The following METTL4 variants were observed in gnomAD, a reference collection of about 807,000 sequenced individuals.
The protein encoded by METTL4 is N(6)-adenine-specific methyltransferase METTL4.
In METTL4, 40 loss-of-function variants were observed where a neutral mutation model predicts 54.0. The observed-to-expected ratio is 0.74, with a 90% CI of 0.58 to 0.96. METTL4 has a LOEUF of 0.96. Ranked by LOEUF, METTL4 falls within the 50% of genes least tolerant of loss-of-function variation. The pLI is 0.00. For synonymous variants in METTL4, 169 were observed against 183.8 expected (o/e 0.92, Z 0.65); for missense variants, 525 against 549.0 (o/e 0.96, Z 0.44).
At chr18:2,565,194 G>T (rs1227774460) in intron 2 of METTL4, among the ~76,000 whole-genome samples, 1 of 152,056 alleles carries the variant, frequency 6.6e-6, no homozygotes, top group African/African-American at 2.4e-5. Context: ...CAGGAGAATT[G>T]CTTGAACCTG....
At chr18:2,563,500 G>C (rs1972310) in intron 3 of METTL4, among the ~76,000 whole-genome samples, 78,814 of 149,834 alleles carry the variant, frequency 0.53, 21,044 homozygotes, top group Non-Finnish European at 0.58. Flanking sequence ...GGAGGCCAAG[G>C]CATGAGATTG....
intron 6 of METTL4, among the ~76,000 whole-genome samples, chr18:2,545,687 A>G (rs1159088292): frequency 6.6e-6 from 1 of 152,112 alleles, no homozygotes; most frequent in Non-Finnish European, 1.5e-5. Context: ...GTACCTAAAC[A>G]ACCAACTCAG....
Position 2,554,920 on chromosome 18 carries a change from A to G in METTL4, c.578T>C (p.Leu193Pro). The G allele has an allele frequency of 6.2e-7, 1 of 1,614,134 alleles. No individual in the cohort carries two copies. The highest frequency in any genetic ancestry group is 8.5e-7 in the Non-Finnish European group (1 of 1,179,966). The change falls in exon 4 of 9, where the codon CTT (leucine) becomes CCT (proline). Residue 193 changes from leucine to proline, a missense_variant. Transcript: ENST00000574538. ...DKGSKPITLP[L>P]DACSLSELCE... ...TAATTCTGACAAACTGCAGGCGTCA[A>G]GTGGTAAAGTAATGGGCTTACTACC...
intron 1 of METTL4, 44 bp downstream of exon 1, chr18:2,571,105 T>TTC (rs1394781463): frequency 6.6e-6 from 1 of 152,356 alleles, no homozygotes; most frequent in Non-Finnish European, 1.5e-5. Flanking sequence ...AACGCAATCC[T>TTC]GGGAGCCCAT....
At chr18:2,570,797 G>A (rs750021795) in intron 1 of METTL4, among the ~76,000 whole-genome samples, 2 of 152,134 alleles carry the variant, frequency 1.3e-5, no homozygotes, top group Non-Finnish European at 2.9e-5. Flanking sequence ...CCAGACCCAA[G>A]TATCCAGACT....
chr18:2,550,633 T>C (rs180711408), intron 5 of METTL4, among the ~76,000 whole-genome samples: 21 of 152,310 alleles, frequency 1.4e-4, no homozygotes, highest in African/African-American at 4.8e-4. Flanking sequence ...AAGCCACCCA[T>C]AGGATCAAAA....
Position 2,547,571 on chromosome 18 carries a change from A to G in METTL4, c.900-42T>C, listed in dbSNP as rs1391806265. ...AAAAGGATGAGCAAAATTCACTGCA[A>G]AAGAAGAAAACTAAGCAGGGATAAG... On this transcript the variant is annotated intron_variant, in intron 5 of 8. Transcript: ENST00000574538. The G allele has an allele frequency of 6.8e-6, 10 of 1,480,284 alleles. No homozygotes were observed. The East Asian group carries it at 1.8e-4, about 27-fold the overall frequency. The allele number at this position is 1,480,284 out of a possible 1,614,324, so 91.7% of individuals were successfully genotyped here.
At chr18:2,570,909 A>G (rs1391074229) in intron 1 of METTL4, among the ~76,000 whole-genome samples, 2 of 152,170 alleles carry the variant, frequency 1.3e-5, no homozygotes, top group African/African-American at 4.8e-5. Context: ...CTATTTTAGC[A>G]AAGTGATCTA....
Position 2,539,091 on chromosome 18 carries a change from C to T in METTL4, c.1328G>A (p.Arg443Gln), listed in dbSNP as rs771372586. Residue 443 changes from arginine to glutamine, a missense_variant, in exon 9 of 9, where the codon CGA becomes CAA. Coordinates refer to ENST00000574538, the MANE Select transcript of METTL4 (RefSeq NM_022840.5). ...PDGEYLELFA[R>Q]NLQPGWTSWG... ...ACTAGTCCAACCTGGCTGTAAATTTCGAGCAAACAACTCCAAATATTCCCC... is the reference window on the plus strand; with the variant it reads ...ACTAGTCCAACCTGGCTGTAAATTTTGAGCAAACAACTCCAAATATTCCCC... 1.5e-5 allele frequency: 24 copies of T among 1,613,734 alleles called. No homozygotes were observed. Among genetic ancestry groups the T allele is most frequent in the Admixed American group, 6.7e-5 (4 of 59,998 alleles).
chr18:2,566,828 A>G lies in METTL4; in HGVS notation c.389T>C (p.Ile130Thr). ...TTTCTTAAAACTTTCTACCTTCCCA[A>G]TAATAGAAATGGAGATTTCTTTTTT... ...GVKKEISISI[I>T]GKKRKRCVVF... Residue 130 changes from isoleucine (I) to threonine (T), a missense_variant, in exon 2 of 9, where the codon ATT becomes ACT. By Grantham distance (89) the Ile-to-Thr change is moderately conservative. Transcript: ENST00000574538. 1 of 1,558,470 alleles carries G rather than the reference A, an allele frequency of 6.4e-7. No homozygotes were observed. Among genetic ancestry groups the G allele is most frequent in the Non-Finnish European group, 8.7e-7 (1 of 1,152,718 alleles).
intron 3 of METTL4, among the ~76,000 whole-genome samples, chr18:2,557,803 A>G (rs1037876191): frequency 1.3e-5 from 2 of 152,192 alleles, no homozygotes; most frequent in African/African-American, 4.8e-5. Flanking sequence ...TTTGTCCCTG[A>G]CCTAGGAGTC....
intron 3 of METTL4, among the ~76,000 whole-genome samples, chr18:2,562,882 G>A (rs2347401): frequency 0.96 from 146,672 of 152,140 alleles, 70,940 homozygotes; most frequent in East Asian, 1. Context: ...ATTTAATGCC[G>A]CAGAATTTTA....
intron 3 of METTL4, among the ~76,000 whole-genome samples, chr18:2,556,591 A>C (rs924629352): frequency 6.6e-6 from 1 of 152,160 alleles, no homozygotes; most frequent in Non-Finnish European, 1.5e-5. Flanking sequence ...TTAGTAGAAA[A>C]GGTTAGGTAG....
At chr18:2,544,043 T>G in intron 8 of METTL4, 152 bp downstream of exon 8, 6 of 518,734 alleles carry the variant, frequency 1.2e-5, no homozygotes, top group Non-Finnish European at 2.0e-5. Context: ...ATAGGCAAAT[T>G]CTGCTATGAA....
At chr18:2,568,283 G>A (rs1356048703) in intron 1 of METTL4, 1 of 152,222 alleles carries the variant, frequency 6.6e-6, no homozygotes, top group Non-Finnish European at 1.5e-5. Context: ...AATCATTCAT[G>A]TCTGTACAAT....
In METTL4 at chr18:2,567,167, G is replaced by A; in HGVS notation, c.50C>T (p.Ser17Phe). The A allele has an allele frequency of 6.2e-7, 1 of 1,613,692 alleles. No homozygotes were observed. Among genetic ancestry groups the A allele is most frequent in the Non-Finnish European group, 8.5e-7 (1 of 1,179,790 alleles). Reference sequence around the variant, plus strand: ...TTGATAGTTTATCTTGTTGATAAAAGAAAGATGATCCAGTAACCACCCAGC... The same window carrying A: ...TTGATAGTTTATCTTGTTGATAAAAAAAAGATGATCCAGTAACCACCCAGC... The part of the protein sequence containing the change: ...LSAGWLLDHL[S>F]FINKINYQLH... The change falls in exon 2 of 9, where the codon TCT becomes TTT. Residue 17 changes from serine (S) to phenylalanine (F), a missense_variant. Ser to Phe is a radical substitution (Grantham distance 155). Transcript: ENST00000574538.
chr18:2,554,579 T>G, intron 4 of METTL4, 90 bp downstream of exon 4: 1 of 1,177,890 alleles, frequency 8.5e-7, no homozygotes. Context: ...TCATAAATGC[T>G]GACCCATCTT....
At position 2,567,260 on chromosome 18, in the gene METTL4, A is replaced by C. The variant is rs1172179102; in HGVS notation, c.-44T>G. On this transcript the variant is annotated 5_prime_UTR_variant, in exon 2 of 9. Coordinates refer to ENST00000574538, the MANE Select transcript of METTL4 (RefSeq NM_022840.5). ...CCTCTGGGAATTAGGAACTAGAATGAAAATCCAACTTTCCAGATCAGCTTC... is the reference window on the plus strand; with the variant it reads ...CCTCTGGGAATTAGGAACTAGAATGCAAATCCAACTTTCCAGATCAGCTTC... The C allele has an allele frequency of 6.6e-7, 1 of 1,511,586 alleles. No individual in the cohort carries two copies. Among genetic ancestry groups the C allele is most frequent in the Non-Finnish European group, 8.9e-7 (1 of 1,128,336 alleles). The allele number at this position is 1,511,586 out of a possible 1,614,324, so 93.6% of individuals were successfully genotyped here.
At chr18:2,543,068 G>C (rs907492855) in intron 8 of METTL4, among the ~76,000 whole-genome samples, 3 of 138,854 alleles carry the variant, frequency 2.2e-5, no homozygotes, top group African/African-American at 8.3e-5. Flanking sequence ...AGGATGCAGT[G>C]ACCCAAGATC....
Sources: gnomAD v4.1 joint callset for allele counts (sites outside exome capture counted in the v4.1 genomes callset) on GRCh38, gnomAD v4.1.1 for gene constraint, MANE v1.5 for transcripts, NCBI Gene and HGNC (gene_info 2026-07-23, HGNC 2026-07-21) for gene names.